Variants in ANKS1B observed in about 807,000 individuals in gnomAD.
ANKS1B encodes ankyrin repeat and sterile alpha motif domain-containing protein 1B.
In ANKS1B, 36 loss-of-function variants were observed where a neutral mutation model predicts 148.3. The observed-to-expected ratio is 0.24, with a 90% CI of 0.19 to 0.32. ANKS1B has a LOEUF of 0.32. Among genes scored for constraint, ANKS1B ranks in the 10% least tolerant of loss-of-function variants. The pLI, the probability that ANKS1B is intolerant of heterozygous loss-of-function variation, is 1.00. For synonymous variants in ANKS1B, 542 were observed against 560.8 expected (o/e 0.97, Z 0.47); for missense variants, 1,157 against 1,542.6 (o/e 0.75, Z 4.19).
intron 14 of ANKS1B, among the ~76,000 whole-genome samples, chr12:99,235,045 G>T (rs1175240828): frequency 6.6e-6 from 1 of 152,024 alleles, no homozygotes. Flanking sequence ...ATGATTCTTT[G>T]GGGACTGAGT....
intron 25 of ANKS1B, among the ~76,000 whole-genome samples, chr12:98,771,871 G>C (rs975073548): frequency 2.6e-5 from 4 of 152,138 alleles, no homozygotes; most frequent in Non-Finnish European, 5.9e-5. Flanking sequence ...CAATATAGAA[G>C]ACTGCAGATT....
intron 15 of ANKS1B, among the ~76,000 whole-genome samples, chr12:99,103,891 T>G (rs2058568890): frequency 1.3e-5 from 2 of 152,182 alleles, no homozygotes; most frequent in African/African-American, 4.8e-5. Flanking sequence ...GTATACCAAT[T>G]TAATCTAATA....
intron 8 of ANKS1B, among the ~76,000 whole-genome samples, chr12:99,704,238 A>C (rs1304351353): frequency 6.6e-6 from 1 of 152,096 alleles, no homozygotes; most frequent in African/African-American, 2.4e-5. Flanking sequence ...CTAACGTGGG[A>C]GGGATAATTT....
intron 12 of ANKS1B, among the ~76,000 whole-genome samples, chr12:99,248,786 C>T (rs920197796): frequency 1.3e-5 from 2 of 152,170 alleles, no homozygotes; most frequent in African/African-American, 4.8e-5. Context: ...CAGATTCTGA[C>T]ATCCATTGGC....
chr12:99,808,913 G>A (rs1054378411), intron 3 of ANKS1B, among the ~76,000 whole-genome samples: 10 of 152,034 alleles, frequency 6.6e-5, no homozygotes, highest in African/African-American at 9.7e-5. Flanking sequence ...CAGATCTCAA[G>A]GGAAAATATA....
intron 8 of ANKS1B, among the ~76,000 whole-genome samples, chr12:99,763,150 C>A (rs548075687): frequency 1.3e-5 from 2 of 152,208 alleles, no homozygotes; most frequent in African/African-American, 4.8e-5. Context: ...GGGTGTATGA[C>A]CACAGGAACA....
intron 17 of ANKS1B, among the ~76,000 whole-genome samples, chr12:98,942,493 C>T (rs977426488): frequency 4.6e-5 from 7 of 152,142 alleles, no homozygotes; most frequent in Non-Finnish European, 1.0e-4. Flanking sequence ...TCCCTCGCTT[C>T]AGCTACTCAT....
chr12:99,689,930 C>T (rs1032394271), intron 8 of ANKS1B, among the ~76,000 whole-genome samples: 1 of 152,160 alleles, frequency 6.6e-6, no homozygotes, highest in South Asian at 2.1e-4. Context: ...AGTCCATTCT[C>T]ACAATGCTAT....
intron 12 of ANKS1B, among the ~76,000 whole-genome samples, chr12:99,263,236 G>A (rs1377812907): frequency 2.6e-5 from 4 of 152,010 alleles, no homozygotes; most frequent in Non-Finnish European, 5.9e-5. Flanking sequence ...TCTAAAATGA[G>A]GGAATTAGCA....
At chr12:99,553,827 G>A (rs1281411618) in intron 9 of ANKS1B, among the ~76,000 whole-genome samples, 4 of 152,166 alleles carry the variant, frequency 2.6e-5, no homozygotes, top group Non-Finnish European at 5.9e-5. Flanking sequence ...GAGGCCTTTA[G>A]GGCCAGAATT....
chr12:98,997,051 G>C (rs1022234460), intron 17 of ANKS1B, among the ~76,000 whole-genome samples: 2 of 152,038 alleles, frequency 1.3e-5, no homozygotes, highest in Admixed American at 1.3e-4. Context: ...GTGAGCAAAT[G>C]CAAGGACTAG....
At chr12:99,804,245 A>G (rs2067315492) in intron 4 of ANKS1B, among the ~76,000 whole-genome samples, 1 of 152,232 alleles carries the variant, frequency 6.6e-6, no homozygotes, top group African/African-American at 2.4e-5. Flanking sequence ...CAACATTTAT[A>G]CAATAAACAT....
intron 17 of ANKS1B, among the ~76,000 whole-genome samples, chr12:99,050,619 C>T (rs1244581688): frequency 6.6e-6 from 1 of 152,068 alleles, no homozygotes; most frequent in Admixed American, 6.5e-5. Flanking sequence ...GGCACTTCTC[C>T]CTGTATTGAA....
intron 1 of ANKS1B, among the ~76,000 whole-genome samples, chr12:99,884,270 T>C (rs1367952328): frequency 6.6e-6 from 1 of 152,130 alleles, no homozygotes; most frequent in African/African-American, 2.4e-5. Flanking sequence ...TATTAGCAAG[T>C]ATGCAGAGCC....
At chr12:99,775,762 T>C in intron 6 of ANKS1B, 101 bp from the exon 7 acceptor site, 1 of 630,518 alleles carries the variant, frequency 1.6e-6, no homozygotes, top group Admixed American at 3.0e-5. Flanking sequence ...CATTTATTTT[T>C]TCATATCCTA....
intron 17 of ANKS1B, among the ~76,000 whole-genome samples, chr12:99,022,230 T>C (rs1284523106): frequency 6.6e-6 from 1 of 152,152 alleles, no homozygotes; most frequent in Non-Finnish European, 1.5e-5. Flanking sequence ...TCCATAAAAC[T>C]TCCCACAACT....
At chr12:99,188,882 C>T (rs2080255895) in intron 14 of ANKS1B, among the ~76,000 whole-genome samples, 1 of 152,224 alleles carries the variant, frequency 6.6e-6, no homozygotes, top group East Asian at 1.9e-4. Flanking sequence ...ACGAAATACC[C>T]TTCGAAAAAT....
At chr12:99,641,723 T>C (rs1567543187) in intron 9 of ANKS1B, among the ~76,000 whole-genome samples, 1 of 152,164 alleles carries the variant, frequency 6.6e-6, no homozygotes. Context: ...CAAAATGATA[T>C]CAATTGAATA....
intron 9 of ANKS1B, among the ~76,000 whole-genome samples, chr12:99,651,175 G>A (rs1053345483): frequency 6.6e-6 from 1 of 152,028 alleles, no homozygotes; most frequent in Non-Finnish European, 1.5e-5. Flanking sequence ...CCCTCACAGC[G>A]CTTACGACTT....
Sources: gnomAD v4.1 joint callset for allele counts (sites outside exome capture counted in the v4.1 genomes callset) on GRCh38, gnomAD v4.1.1 for gene constraint, MANE v1.5 for transcripts, NCBI Gene and HGNC (gene_info 2026-07-23, HGNC 2026-07-21) for gene names.